C12orf50: variants seen among roughly 807,000 people sequenced by gnomAD.
C12orf50 encodes uncharacterized protein C12orf50.
In C12orf50, 35 loss-of-function variants were observed where a neutral mutation model predicts 61.6. The ratio of observed to expected loss-of-function variants is 0.57; its 90% CI spans 0.43 to 0.75. The LOEUF is 0.75. Among genes scored for constraint, C12orf50 ranks in the 30% least tolerant of loss-of-function variants. The probability of loss-of-function intolerance (pLI) is 0.00; values close to 1 mark genes in which losing one functional copy is unlikely to be tolerated. For missense variants in C12orf50, 475 were observed against 488.5 expected (o/e 0.97, Z 0.26); for synonymous variants, 178 against 161.5 (o/e 1.10, Z -0.77).
intron 3 of C12orf50, among the ~76,000 whole-genome samples, chr12:87,999,326 G>A (rs763179248): frequency 1.3e-5 from 2 of 152,174 alleles, no homozygotes; most frequent in Non-Finnish European, 2.9e-5. Flanking sequence ...TCAGGAGGCT[G>A]AGGTGGAAGC....
Position 87,987,836 on chromosome 12 carries a change from A to T in C12orf50, c.817+14T>A. 1 of 1,500,530 alleles carries T rather than the reference A, an allele frequency of 6.7e-7. No individual in the cohort carries two copies. Among genetic ancestry groups the T allele is most frequent in the Admixed American group, 1.7e-5 (1 of 58,150 alleles). The allele number at this position is 1,500,530 out of a possible 1,614,324, so 93.0% of individuals were successfully genotyped here. On this transcript the variant is annotated intron_variant, in intron 9 of 12. Transcript: ENST00000298699. ...TATATCTGAGGCCAAAAAGTGATAG[A>T]GCTAATGTCTCACTTGAAGAGGGGT... is the stretch of plus-strand genomic sequence containing the variant.
intron 3 of C12orf50, among the ~76,000 whole-genome samples, chr12:88,019,460 C>A (rs372449428): frequency 1.3e-5 from 2 of 152,072 alleles, no homozygotes; most frequent in African/African-American, 4.8e-5. Context: ...ATCTCTTTAT[C>A]AGCAGTGCAA....
intron 7 of C12orf50, among the ~76,000 whole-genome samples, chr12:87,990,728 A>G (rs899637204): frequency 6.6e-5 from 10 of 152,054 alleles, no homozygotes; most frequent in African/African-American, 2.2e-4. Context: ...AAGCGACACC[A>G]AGGAGGTGAA....
chr12:87,996,712 A>G, intron 4 of C12orf50, 66 bp from the exon 5 acceptor site: 5 of 1,251,702 alleles, frequency 4.0e-6, no homozygotes, highest in South Asian at 1.3e-5. Flanking sequence ...TTTATAAACC[A>G]GAAAGGAAAA....
intron 3 of C12orf50, among the ~76,000 whole-genome samples, chr12:88,004,674 A>G (rs1320176627): frequency 2.0e-5 from 3 of 152,246 alleles, no homozygotes; most frequent in African/African-American, 7.2e-5. Flanking sequence ...AATGTGGCAC[A>G]TATACACCAT....
At chr12:88,029,066 C>A in intron 1 of C12orf50, 2 of 1,282,064 alleles carry the variant, frequency 1.6e-6, no homozygotes, top group Non-Finnish European at 2.0e-6. Context: ...ACAATATTTA[C>A]CTTTATGCAT....
intron 11 of C12orf50, chr12:87,985,264 T>A (rs2030747409): frequency 1.3e-5 from 2 of 152,284 alleles, no homozygotes; most frequent in Admixed American, 1.3e-4. Flanking sequence ...AAAATCCATC[T>A]GAGACATAGG....
intron 9 of C12orf50, among the ~76,000 whole-genome samples, chr12:87,986,886 T>C (rs1437902738): frequency 6.6e-6 from 1 of 152,182 alleles, no homozygotes; most frequent in Non-Finnish European, 1.5e-5. Flanking sequence ...AAATTGGGTG[T>C]ACAGATAGTT....
At chr12:88,026,847 T>C in intron 2 of C12orf50, 104 bp downstream of exon 2, 3 of 1,491,298 alleles carry the variant, frequency 2.0e-6, no homozygotes, top group Non-Finnish European at 2.7e-6. Context: ...AATCAAATAG[T>C]AGAAGGAAGA....
rs150926516 is a variant in C12orf50, at chr12:87,992,940, T to C, written c.592+1693A>G. Among the ~76,000 whole-genome samples, 314 of 152,258 alleles carry C rather than the reference T, an allele frequency of 2.1e-3. 1 individual carries two copies. Among genetic ancestry groups the C allele is most frequent in the African/African-American group, 7.2e-3 (300 of 41,570 alleles). The stretch of plus-strand genomic sequence containing the variant: ...TCATCTTCATTTCAAAGATGTCTTA[T>C]GAATGCAGGAGCCTAAATATGTTTA... On this transcript the variant is annotated intron_variant, in intron 7 of 12. Transcript: ENST00000298699.
intron 3 of C12orf50, among the ~76,000 whole-genome samples, chr12:88,022,451 G>A (rs1369929114): frequency 6.6e-6 from 1 of 152,060 alleles, no homozygotes; most frequent in East Asian, 1.9e-4. Flanking sequence ...AAGAAGACAA[G>A]TATACCCTCT....
At chr12:88,016,477 T>G (rs2032316026) in intron 3 of C12orf50, among the ~76,000 whole-genome samples, 1 of 152,212 alleles carries the variant, frequency 6.6e-6, no homozygotes, top group African/African-American at 2.4e-5. Context: ...GGAATCAAAT[T>G]ATTACTTCTG....
At chr12:87,984,652 A>G (rs2030708701) in intron 11 of C12orf50, 1 of 152,128 alleles carries the variant, frequency 6.6e-6, no homozygotes. Context: ...CTACTGTCTA[A>G]CAATGTTATA....
chr12:88,006,990 A>T (rs187066851), intron 3 of C12orf50, among the ~76,000 whole-genome samples: 1 of 152,304 alleles, frequency 6.6e-6, no homozygotes, highest in Admixed American at 6.5e-5. Flanking sequence ...CCTTAGGACA[A>T]TTTCTTAACA....
intron 3 of C12orf50, among the ~76,000 whole-genome samples, chr12:88,001,842 T>G (rs975229494): frequency 2.0e-5 from 3 of 151,604 alleles, no homozygotes; most frequent in Non-Finnish European, 4.4e-5. Context: ...TGATGTCTCA[T>G]TTTTTATTTC....
chr12:87,986,449 A>G (rs1458057514), intron 9 of C12orf50, 33 bp from the exon 10 acceptor site: 6 of 1,481,562 alleles, frequency 4.0e-6, no homozygotes, highest in Non-Finnish European at 5.6e-6. Flanking sequence ...CAATTTTTTA[A>G]GAGATGCTTT....
chr12:88,009,448 G>A (rs2032015364), intron 3 of C12orf50, among the ~76,000 whole-genome samples: 1 of 151,974 alleles, frequency 6.6e-6, no homozygotes, highest in Non-Finnish European at 1.5e-5. Context: ...TCAAATGCCT[G>A]TTTATAAGCT....
At chr12:87,986,443 T>C (rs1387924960) in intron 9 of C12orf50, 27 bp from the exon 10 acceptor site, 2 of 1,512,532 alleles carry the variant, frequency 1.3e-6, no homozygotes, top group Non-Finnish European at 1.8e-6. Context: ...ATTTTACAAT[T>C]TTTTAAGAGA....
At chr12:87,995,549 A>G (rs2031344665) in intron 6 of C12orf50, among the ~76,000 whole-genome samples, 1 of 152,250 alleles carries the variant, frequency 6.6e-6, no homozygotes, top group Non-Finnish European at 1.5e-5. Context: ...AAGGGTATAT[A>G]GGAATTAACC....
Sources: allele counts gnomAD v4.1 joint callset (sites outside exome capture counted in the v4.1 genomes callset), GRCh38; gene constraint gnomAD v4.1.1; transcripts MANE v1.5; gene names NCBI Gene and HGNC (gene_info 2026-07-23, HGNC 2026-07-21).